The following ICA1L variants were observed in gnomAD, a reference collection of about 807,000 sequenced individuals.
ICA1L encodes islet cell autoantigen 1 like, also known as islet cell autoantigen 1-like protein.
Under a neutral mutation model 61.3 loss-of-function variants are expected in ICA1L, and 50 were observed. The observed-to-expected ratio is 0.82, with a 90% CI of 0.65 to 1.03. The LOEUF is 1.03. Ranked by LOEUF, ICA1L falls within the 50% of genes least tolerant of loss-of-function variation. The probability of loss-of-function intolerance (pLI) is 0.00; values close to 1 mark genes in which losing one functional copy is unlikely to be tolerated. For synonymous variants in ICA1L, 161 were observed against 191.3 expected, an observed-to-expected ratio of 0.84 and a Z score of 1.31; for missense variants, 508 against 556.7, an observed-to-expected ratio of 0.91 and a Z score of 0.88.
At chr2:202,868,310 CAA>C (rs1423399930) in intron 1 of ICA1L, among the ~76,000 whole-genome samples, 1 of 152,158 alleles carries the variant, frequency 6.6e-6, no homozygotes, top group East Asian at 1.9e-4. Flanking sequence ...GCTTAAATGA[CAA>C]AGACTGACAA....
At chr2:202,795,145 C>T (rs1240042993) in intron 10 of ICA1L, among the ~76,000 whole-genome samples, 1 of 148,202 alleles carries the variant, frequency 6.7e-6, no homozygotes, top group East Asian at 2.0e-4. Context: ...GCATGCGCCA[C>T]CATGCCCAGT....
chr2:202,822,723 G>A (rs1226278683), intron 3 of ICA1L, among the ~76,000 whole-genome samples: 2 of 152,160 alleles, frequency 1.3e-5, no homozygotes, highest in Non-Finnish European at 2.9e-5. Context: ...AGTTAAAACT[G>A]AAAGGGAAGT....
At chr2:202,831,524 C>T (rs960777854) in intron 1 of ICA1L, among the ~76,000 whole-genome samples, 11 of 152,104 alleles carry the variant, frequency 7.2e-5, no homozygotes, top group South Asian at 6.2e-4. Context: ...AGGCTCAATT[C>T]GAAGAACAAA....
chr2:202,799,803 T>G (rs1693039325), intron 9 of ICA1L, among the ~76,000 whole-genome samples: 1 of 152,062 alleles, frequency 6.6e-6, no homozygotes, highest in South Asian at 2.1e-4. Context: ...TGGTGAGAGA[T>G]AGGGGTCCAG....
intron 12 of ICA1L, 82 bp from the exon 13 acceptor site, chr2:202,779,730 G>C (rs1401333724): frequency 1.3e-6 from 1 of 747,720 alleles, no homozygotes. Context: ...TTTTGAAGTA[G>C]GTGCTTCTTT....
rs955404658 is a variant in ICA1L at position 202,819,559 on chromosome 2, T to C, written c.558+142A>G. 3 of 659,278 alleles carry C rather than the reference T, an allele frequency of 4.6e-6. No homozygotes were observed. The African/African-American group carries it at 5.5e-5, about 12-fold the overall frequency. The allele number at this position is 659,278 out of a possible 1,614,324, so 40.8% of individuals were successfully genotyped here. ...TAAAAGTGTGACAAACTTTTGTACTTCAACTACAGTCTCCAAGCAACCAAG... is the reference window on the plus strand; with the variant it reads ...TAAAAGTGTGACAAACTTTTGTACTCCAACTACAGTCTCCAAGCAACCAAG... On this transcript the variant is annotated intron_variant, in intron 5 of 12. Coordinates refer to ENST00000358299, the MANE Select transcript of ICA1L (RefSeq NM_001288622.3).
chr2:202,773,679 G>C lies in ICA1L; in HGVS notation c.*5854C>G, dbSNP rs1692124687. Reference sequence around the variant, plus strand: ...TGAGCTTTCAGAGATAGATGCCCAAGAGCTATCATTAATATATACAGCATA... The same window carrying C: ...TGAGCTTTCAGAGATAGATGCCCAACAGCTATCATTAATATATACAGCATA... On this transcript the variant is annotated 3_prime_UTR_variant, in exon 13 of 13. Transcript: ENST00000358299. The C allele has an allele frequency of 1.2e-6, 1 of 840,344 alleles. No individual in the cohort carries two copies. Among genetic ancestry groups the C allele is most frequent in the African/African-American group, 1.7e-5 (1 of 58,852 alleles). 52.1% of individuals were successfully genotyped at this position (840,344 alleles called of 1,614,324 possible).
chr2:202,859,025 C>T (rs1490858341), intron 1 of ICA1L, among the ~76,000 whole-genome samples: 1 of 152,140 alleles, frequency 6.6e-6, no homozygotes, highest in African/African-American at 2.4e-5. Flanking sequence ...ATCAACCGCC[C>T]ATTAATTCAG....
At chr2:202,792,778 T>C (rs1692793271) in intron 10 of ICA1L, among the ~76,000 whole-genome samples, 1 of 152,090 alleles carries the variant, frequency 6.6e-6, no homozygotes. Context: ...CACTCCAGCC[T>C]GGGCGACAGA....
intron 1 of ICA1L, among the ~76,000 whole-genome samples, chr2:202,857,322 C>T (rs1452385438): frequency 1.3e-5 from 2 of 152,170 alleles, no homozygotes; most frequent in Non-Finnish European, 2.9e-5. Flanking sequence ...AATAACACCA[C>T]ACATCTACAA....
chr2:202,814,616 A>T, intron 8 of ICA1L, 86 bp downstream of exon 8: 3 of 843,940 alleles, frequency 3.6e-6, no homozygotes, highest in Non-Finnish European at 5.8e-6. Context: ...ATATTCAGTA[A>T]GAGAAGAAAC....
chr2:202,855,997 C>T (rs996182075), intron 1 of ICA1L, among the ~76,000 whole-genome samples: 10 of 146,262 alleles, frequency 6.8e-5, no homozygotes, highest in Admixed American at 4.2e-4. Flanking sequence ...TGGTTGAATC[C>T]GGGAGGCAGA....
At chr2:202,813,466 T>C (rs1260252784) in intron 8 of ICA1L, among the ~76,000 whole-genome samples, 1 of 152,154 alleles carries the variant, frequency 6.6e-6, no homozygotes, top group Non-Finnish European at 1.5e-5. Flanking sequence ...ACTAAGTAAT[T>C]TATAAAGAAA....
At chr2:202,869,729 T>C (rs1212975492) in intron 1 of ICA1L, 3 of 152,186 alleles carry the variant, frequency 2.0e-5, no homozygotes, top group Non-Finnish European at 4.4e-5. Context: ...TAGTCTTTTT[T>C]TATCTCAACT....
At chr2:202,837,566 C>T (rs918641547) in intron 1 of ICA1L, among the ~76,000 whole-genome samples, 5 of 152,104 alleles carry the variant, frequency 3.3e-5, no homozygotes, top group African/African-American at 4.8e-5. Flanking sequence ...CCACCGCACC[C>T]GGCCTTCTCT....
At chr2:202,825,111 TA>T (rs1204155280) in intron 3 of ICA1L, among the ~76,000 whole-genome samples, 2 of 152,170 alleles carry the variant, frequency 1.3e-5, no homozygotes, top group Admixed American at 6.5e-5. Context: ...GAATGGAATT[TA>T]ACTGCAAGGG....
intron 4 of ICA1L, among the ~76,000 whole-genome samples, chr2:202,820,479 T>C (rs1693670269): frequency 6.6e-6 from 1 of 152,170 alleles, no homozygotes; most frequent in Admixed American, 6.5e-5. Flanking sequence ...ACCTGCCAAG[T>C]AAATCTGCCA....
At chr2:202,860,532 T>C (rs1005345532) in intron 1 of ICA1L, among the ~76,000 whole-genome samples, 6 of 151,766 alleles carry the variant, frequency 4.0e-5, no homozygotes, top group African/African-American at 1.5e-4. Flanking sequence ...GGCAGGCAGA[T>C]CATGAGGTCA....
At position 202,829,031 on chromosome 2, in the gene ICA1L, C is replaced by A; in HGVS notation, c.-7-15G>T. 6.6e-7 allele frequency: 1 copy of A among 1,518,880 alleles called. No homozygotes were observed. Among genetic ancestry groups the A allele is most frequent in the South Asian group, 1.3e-5 (1 of 74,728 alleles). The allele number at this position is 1,518,880 out of a possible 1,614,324, so 94.1% of individuals were successfully genotyped here. A position where few individuals can be genotyped will look rare whatever the true frequency, so the allele number is the denominator to read the frequency against. On this transcript the variant is annotated splice_polypyrimidine_tract_variant and intron_variant, in intron 1 of 12. Coordinates refer to ENST00000358299, the MANE Select transcript of ICA1L (RefSeq NM_001288622.3). ...CCATGGAGTGACTACAATGAACAGA[C>A]TAAAATTAAACTTCTTTTAAAAATT...
Sources: allele counts gnomAD v4.1 joint callset (sites outside exome capture counted in the v4.1 genomes callset), GRCh38; gene constraint gnomAD v4.1.1; transcripts MANE v1.5; gene names NCBI Gene and HGNC (gene_info 2026-07-23, HGNC 2026-07-21).